The following ST18 variants were observed in gnomAD, a reference collection of about 807,000 sequenced individuals.
ST18 encodes the protein suppression of tumorigenicity 18 protein.
Under a neutral mutation model 110.0 loss-of-function variants are expected in ST18, and 50 were observed. The observed-to-expected ratio is 0.45, with a 90% CI of 0.36 to 0.58. ST18 has a LOEUF of 0.58. Ranked by LOEUF, ST18 falls within the 20% of genes least tolerant of loss-of-function variation. The pLI is 0.00. For missense variants in ST18, 1,306 were observed against 1,280.1 expected, an observed-to-expected ratio of 1.02 and a Z score of -0.31; for synonymous variants, 461 against 452.4, an observed-to-expected ratio of 1.02 and a Z score of -0.24.
intron 10 of ST18, 190 bp downstream of exon 10, chr8:52,171,602 C>T (rs1563842374): frequency 1.4e-6 from 1 of 719,890 alleles, no homozygotes; most frequent in Non-Finnish European, 2.4e-6. Flanking sequence ...CCAAAATTAA[C>T]ACAGCTTGAT....
At chr8:52,319,453 C>A (rs1333415018) in intron 2 of ST18, among the ~76,000 whole-genome samples, 1 of 152,016 alleles carries the variant, frequency 6.6e-6, no homozygotes, top group African/African-American at 2.4e-5. Context: ...TTCCATATTC[C>A]AGACCTTCAT....
intron 2 of ST18, among the ~76,000 whole-genome samples, chr8:52,271,718 A>G (rs554806323): frequency 6.6e-6 from 1 of 152,230 alleles, no homozygotes; most frequent in Non-Finnish European, 1.5e-5. Context: ...CCCTGAAGAC[A>G]GTAGCTATTT....
intron 2 of ST18, among the ~76,000 whole-genome samples, chr8:52,305,665 G>T (rs538958195): frequency 1.1e-4 from 16 of 152,270 alleles, no homozygotes; most frequent in African/African-American, 3.9e-4. Flanking sequence ...CAACCTAGAA[G>T]CCTCCCTGAC....
At chr8:52,299,170 A>G (rs533840101) in intron 2 of ST18, among the ~76,000 whole-genome samples, 16 of 152,288 alleles carry the variant, frequency 1.1e-4, no homozygotes, top group African/African-American at 3.9e-4. Context: ...ATACACACGC[A>G]CACACACATA....
intron 8 of ST18, among the ~76,000 whole-genome samples, chr8:52,193,937 C>A (rs1048192215): frequency 1.3e-5 from 2 of 152,118 alleles, no homozygotes; most frequent in African/African-American, 4.8e-5. Context: ...ATAAATTCAG[C>A]GACTAATAAG....
chr8:52,120,460 C>T (rs2044262861), intron 23 of ST18, among the ~76,000 whole-genome samples: 1 of 152,104 alleles, frequency 6.6e-6, no homozygotes, highest in African/African-American at 2.4e-5. Flanking sequence ...TTCTGGGAGG[C>T]CCTTCACTGG....
chr8:52,377,303 C>A (rs1472842745), intron 2 of ST18, among the ~76,000 whole-genome samples: 3 of 152,166 alleles, frequency 2.0e-5, no homozygotes, highest in African/African-American at 7.2e-5. Context: ...ATGCTTCTAC[C>A]TATAACTGAT....
intron 2 of ST18, among the ~76,000 whole-genome samples, chr8:52,368,651 A>T (rs1418466051): frequency 1.3e-5 from 2 of 152,194 alleles, no homozygotes; most frequent in African/African-American, 4.8e-5. Context: ...AGGTTTCCGC[A>T]TGTGGCGGCC....
chr8:52,119,669 G>A (rs557757864), intron 23 of ST18, among the ~76,000 whole-genome samples: 3 of 152,084 alleles, frequency 2.0e-5, no homozygotes, highest in Non-Finnish European at 4.4e-5. Context: ...AGTGTTGCTC[G>A]CCAAAAGCAC....
intron 3 of ST18, among the ~76,000 whole-genome samples, chr8:52,227,749 G>A (rs567340355): frequency 6.6e-6 from 1 of 152,146 alleles, no homozygotes; most frequent in African/African-American, 2.4e-5. Context: ...TTCATATTGT[G>A]GTTGACAGCA....
intron 2 of ST18, among the ~76,000 whole-genome samples, chr8:52,268,698 A>G (rs546161093): frequency 6.6e-6 from 1 of 152,352 alleles, no homozygotes; most frequent in African/African-American, 2.4e-5. Context: ...GCTAGGGGAC[A>G]TAAAAGAGAC....
intron 19 of ST18, among the ~76,000 whole-genome samples, chr8:52,134,234 C>T (rs2051044336): frequency 6.6e-6 from 1 of 152,122 alleles, no homozygotes; most frequent in Non-Finnish European, 1.5e-5. Flanking sequence ...GAAAATCCAT[C>T]AATAACTACA....
chr8:52,391,840 T>C (rs1839416304), intron 2 of ST18, among the ~76,000 whole-genome samples: 1 of 151,820 alleles, frequency 6.6e-6, no homozygotes, highest in Non-Finnish European at 1.5e-5. Context: ...GGGGAAGAGG[T>C]GGGATTTGAA....
intron 17 of ST18, among the ~76,000 whole-genome samples, chr8:52,140,587 A>T (rs1034202076): frequency 6.6e-6 from 1 of 151,192 alleles, no homozygotes; most frequent in East Asian, 1.9e-4. Context: ...ATAGATAGAT[A>T]GATAGATAAA....
chr8:52,144,284 G>C (rs1488436034), intron 16 of ST18, among the ~76,000 whole-genome samples: 1 of 151,840 alleles, frequency 6.6e-6, no homozygotes, highest in Non-Finnish European at 1.5e-5. Context: ...AATCTCAAAA[G>C]TACTGATGTA....
intron 8 of ST18, among the ~76,000 whole-genome samples, chr8:52,200,609 T>A (rs2077641567): frequency 6.6e-6 from 1 of 152,206 alleles, no homozygotes; most frequent in South Asian, 2.1e-4. Context: ...GAATCTTACA[T>A]GAGGAAGAAC....
chr8:52,194,457 A>G (rs1437935527), intron 8 of ST18: 3 of 152,202 alleles, frequency 2.0e-5, no homozygotes, highest in Non-Finnish European at 4.4e-5. Context: ...GCTCCTTTTT[A>G]TATCTCTGGT....
chr8:52,400,377 G>T (rs1842492847), intron 2 of ST18, among the ~76,000 whole-genome samples: 2 of 152,040 alleles, frequency 1.3e-5, no homozygotes, highest in African/African-American at 4.8e-5. Flanking sequence ...TCTGCCTTTT[G>T]ATTGGAAAGT....
intron 2 of ST18, among the ~76,000 whole-genome samples, chr8:52,333,069 C>A (rs1254101732): frequency 2.0e-5 from 3 of 151,996 alleles, no homozygotes; most frequent in African/African-American, 7.2e-5. Context: ...GACTCTAGAG[C>A]CCAAGTTCTC....
Sources: allele counts gnomAD v4.1 joint callset (sites outside exome capture counted in the v4.1 genomes callset), GRCh38; gene constraint gnomAD v4.1.1; transcripts MANE v1.5; gene names NCBI Gene and HGNC (gene_info 2026-07-23, HGNC 2026-07-21).